NALCN: variants seen among roughly 807,000 people sequenced by gnomAD.
NALCN encodes sodium leak channel, non-selective.
A neutral mutation model predicts 225.3 loss-of-function variants in NALCN; 111 were observed. The ratio of observed to expected loss-of-function variants is 0.49; its 90% CI spans 0.42 to 0.58. The LOEUF (loss-of-function observed/expected upper bound fraction) is 0.58, where lower values mean the gene tolerates loss of function less well. NALCN is among the 20% of genes least tolerant of loss of function. The pLI, the probability that NALCN is intolerant of heterozygous loss-of-function variation, is 0.00. For synonymous variants in NALCN, 764 were observed against 769.0 expected (o/e 0.99, Z 0.11); for missense variants, 1,378 against 2,202.4 (o/e 0.63, Z 7.49).
chr13:101,248,497 A>G (rs762453527), intron 11 of NALCN, among the ~76,000 whole-genome samples: 15 of 152,120 alleles, frequency 9.9e-5, no homozygotes, highest in Admixed American at 7.9e-4. Flanking sequence ...GTTTATGGCA[A>G]TGAGATCATT....
At chr13:101,093,917 C>G (rs540806173) in intron 28 of NALCN, among the ~76,000 whole-genome samples, 4 of 152,262 alleles carry the variant, frequency 2.6e-5, no homozygotes, top group Non-Finnish European at 4.4e-5. Context: ...CAGGCCACCA[C>G]GAGATTCTCA....
chr13:101,184,543 A>G (rs1298979138), intron 14 of NALCN, among the ~76,000 whole-genome samples: 1 of 152,154 alleles, frequency 6.6e-6, no homozygotes, highest in East Asian at 1.9e-4. Flanking sequence ...TTTCTATTTA[A>G]CTACAATAAA....
At chr13:101,072,433 T>A (rs1430930990) in intron 37 of NALCN, among the ~76,000 whole-genome samples, 1 of 152,212 alleles carries the variant, frequency 6.6e-6, no homozygotes, top group East Asian at 1.9e-4. Flanking sequence ...CATCAAAAAC[T>A]CTCTCATTGT....
At chr13:101,118,416 C>A (rs1019572495) in intron 18 of NALCN, among the ~76,000 whole-genome samples, 3 of 152,110 alleles carry the variant, frequency 2.0e-5, no homozygotes, top group African/African-American at 4.8e-5. Context: ...CAGGTACTAT[C>A]TAAAAATGTG....
chr13:101,065,329 G>A, intron 40 of NALCN, 75 bp downstream of exon 40: 2 of 1,491,678 alleles, frequency 1.3e-6, no homozygotes, highest in Non-Finnish European at 1.8e-6. Flanking sequence ...CTTGTTAATT[G>A]TACTGCAGAG....
chr13:101,363,689 C>A (rs1230579005), intron 6 of NALCN, among the ~76,000 whole-genome samples: 1 of 151,732 alleles, frequency 6.6e-6, no homozygotes. Flanking sequence ...TTTGGGGGGA[C>A]AAAATCTGAA....
Position 101,273,067 on chromosome 13 carries a change from A to G in NALCN, c.1134+10866T>C, listed in dbSNP as rs534633818. ...TGCTACCAGAGGGAAACTGACATCCATTGTACCACGTCTCATGCATATGTA... is the reference window on the plus strand; with the variant it reads ...TGCTACCAGAGGGAAACTGACATCCGTTGTACCACGTCTCATGCATATGTA... On this transcript the variant is annotated intron_variant, in intron 10 of 43. Coordinates refer to ENST00000251127, the MANE Select transcript of NALCN (RefSeq NM_052867.4). Among the ~76,000 whole-genome samples the G allele has an allele frequency of 1.7e-4, 26 of 152,326 alleles. 1 individual carries two copies. Among genetic ancestry groups the G allele is most frequent in the African/African-American group, 5.8e-4 (24 of 41,574 alleles).
At chr13:101,160,690 T>C (rs1018546320) in intron 15 of NALCN, among the ~76,000 whole-genome samples, 9 of 152,188 alleles carry the variant, frequency 5.9e-5, no homozygotes, top group Non-Finnish European at 1.3e-4. Flanking sequence ...AGGTGTTTCT[T>C]CCTTATAAAT....
chr13:101,312,766 G>A (rs560299169), intron 7 of NALCN, among the ~76,000 whole-genome samples: 2 of 152,144 alleles, frequency 1.3e-5, no homozygotes, highest in South Asian at 4.2e-4. Context: ...TTGCTGAGGA[G>A]TGCTTTACTT....
Position 101,393,583 on chromosome 13 carries a change from G to A in NALCN, c.291+1600C>T, listed in dbSNP as rs546284003. Among the ~76,000 whole-genome samples, 21 of 152,296 alleles carry A rather than the reference G, an allele frequency of 1.4e-4. No individual in the cohort carries two copies. In the South Asian group the frequency reaches 2.9e-3, roughly 21 times the overall value. ...ACTTAAGAAACATAAGTGGGAGGCCGAGGCGGGCAGATCACCTGAGGTCGG... is the reference window on the plus strand; with the variant it reads ...ACTTAAGAAACATAAGTGGGAGGCCAAGGCGGGCAGATCACCTGAGGTCGG... On this transcript the variant is annotated intron_variant, in intron 3 of 43. Coordinates refer to ENST00000251127, the MANE Select transcript of NALCN (RefSeq NM_052867.4).
At chr13:101,397,949 G>A (rs2047363347) in intron 2 of NALCN, among the ~76,000 whole-genome samples, 1 of 152,072 alleles carries the variant, frequency 6.6e-6, no homozygotes, top group South Asian at 2.1e-4. Context: ...AGCTGGGAAA[G>A]GGTCACTGGG....
At chr13:101,390,819 G>C (rs1273038662) in intron 3 of NALCN, among the ~76,000 whole-genome samples, 1 of 149,104 alleles carries the variant, frequency 6.7e-6, no homozygotes, top group Non-Finnish European at 1.5e-5. Flanking sequence ...GTTAGAAACA[G>C]ACCCATAAAG....
chr13:101,287,622 A>G lies in NALCN; in HGVS notation c.1048-3603T>C, dbSNP rs372113893. 2.0e-4 allele frequency among the ~76,000 whole-genome samples: 31 copies of G among 152,340 alleles called. No homozygotes were observed. The East Asian group carries it at 3.9e-3, about 19-fold the overall frequency. On this transcript the variant is annotated intron_variant, in intron 9 of 43. Transcript: ENST00000251127. Reference sequence around the variant, plus strand: ...ATCTCAATATATGGGAGTGACTGTAAGAAGATGTTCTGAATTAGTAGAATC... The same window carrying G: ...ATCTCAATATATGGGAGTGACTGTAGGAAGATGTTCTGAATTAGTAGAATC...
intron 15 of NALCN, among the ~76,000 whole-genome samples, chr13:101,145,465 C>T (rs575135365): frequency 6.6e-6 from 1 of 152,262 alleles, no homozygotes; most frequent in East Asian, 1.9e-4. Flanking sequence ...CATGCTTGGA[C>T]ACGACGAACT....
In NALCN at chr13:101,055,155, A is replaced by C; in HGVS notation, c.*140T>G. On this transcript the variant is annotated 3_prime_UTR_variant, in exon 44 of 44. Transcript: ENST00000251127. ...CATGCAGCTTATGCCTTTCTGTGGCAGGATGAAAATCAATTTATAAACATC... is the reference window on the plus strand; with the variant it reads ...CATGCAGCTTATGCCTTTCTGTGGCCGGATGAAAATCAATTTATAAACATC... 1 of 722,068 alleles carries C rather than the reference A, an allele frequency of 1.4e-6. No homozygotes were observed. The highest frequency in any genetic ancestry group is 2.2e-6 in the Non-Finnish European group (1 of 450,874). The allele number at this position is 722,068 out of a possible 1,614,324, so 44.7% of individuals were successfully genotyped here.
chr13:101,191,891 A>C, intron 14 of NALCN, 26 bp downstream of exon 14: 1 of 1,580,098 alleles, frequency 6.3e-7, no homozygotes, highest in Non-Finnish European at 8.5e-7. Flanking sequence ...TCCAAGATAT[A>C]ATTGAAAAAA....
intron 17 of NALCN, among the ~76,000 whole-genome samples, chr13:101,135,629 G>A (rs2036746710): frequency 6.6e-6 from 1 of 152,120 alleles, no homozygotes; most frequent in Non-Finnish European, 1.5e-5. Flanking sequence ...CCTGAGCTCA[G>A]GTGATCCGCC....
intron 7 of NALCN, among the ~76,000 whole-genome samples, chr13:101,295,116 G>A (rs532550088): frequency 6.6e-6 from 1 of 152,156 alleles, no homozygotes; most frequent in East Asian, 1.9e-4. Flanking sequence ...AAACTTATAA[G>A]TTTCTTAAAA....
At chr13:101,061,177 G>C (rs2031905093) in intron 41 of NALCN, among the ~76,000 whole-genome samples, 1 of 152,154 alleles carries the variant, frequency 6.6e-6, no homozygotes, top group South Asian at 2.1e-4. Context: ...TAATTTATGA[G>C]TTAGAGAATC....
Sources: gnomAD v4.1 joint callset for allele counts (sites outside exome capture counted in the v4.1 genomes callset) on GRCh38, gnomAD v4.1.1 for gene constraint, MANE v1.5 for transcripts, NCBI Gene and HGNC (gene_info 2026-07-23, HGNC 2026-07-21) for gene names.